The following ZNF653 variants were observed in gnomAD, a reference collection of about 807,000 sequenced individuals.
The protein encoded by ZNF653 is 67 kDa zinc finger protein.
In ZNF653, 37 loss-of-function variants were observed where a neutral mutation model predicts 59.9. The ratio of observed to expected loss-of-function variants is 0.62; its 90% CI spans 0.48 to 0.81. The LOEUF (loss-of-function observed/expected upper bound fraction) is 0.81, where lower values mean the gene tolerates loss of function less well. Ranked by LOEUF, ZNF653 falls within the 40% of genes least tolerant of loss-of-function variation. The pLI, the probability that ZNF653 is intolerant of heterozygous loss-of-function variation, is 0.00. For missense variants in ZNF653, 808 were observed against 881.1 expected (o/e 0.92, Z 1.05); for synonymous variants, 435 against 371.8 (o/e 1.17, Z -1.96).
chr19:11,488,698 C>T (rs1181694727), intron 3 of ZNF653, among the ~76,000 whole-genome samples: 3 of 149,088 alleles, frequency 2.0e-5, no homozygotes, highest in African/African-American at 7.4e-5. Context: ...CCCAGGTTCA[C>T]ACCATTCTCC....
chr19:11,492,713 G>C (rs1298299429), intron 3 of ZNF653, among the ~76,000 whole-genome samples: 1 of 152,172 alleles, frequency 6.6e-6, no homozygotes. Flanking sequence ...AACTCCGTAA[G>C]GTTGCGGGGT....
chr19:11,485,691 G>T lies in ZNF653; in HGVS notation c.1535C>A (p.Ser512Tyr), dbSNP rs767640739. ...GATCATGTGCCGCCGCAGGTGGTTG[G>T]ATAAATAGAACTTCTTGCCACAGCC... The part of the protein sequence containing the change: ...HPGCGKKFYL[S>Y]NHLRRHMIIH... Residue 512 changes from serine (S) to tyrosine (Y), a missense_variant, in exon 7 of 9, where the codon TCC becomes TAC. Physicochemically the swap from Ser to Tyr is moderately radical, Grantham distance 144. Coordinates refer to ENST00000293771, the MANE Select transcript of ZNF653 (RefSeq NM_138783.4). 2 of 1,614,056 alleles carry T rather than the reference G, an allele frequency of 1.2e-6. No homozygotes were observed. The highest frequency in any genetic ancestry group is 1.1e-5 in the South Asian group (1 of 91,080).
At chr19:11,484,262 G>A in intron 7 of ZNF653, 121 bp from the exon 8 acceptor site, 1 of 783,710 alleles carries the variant, frequency 1.3e-6, no homozygotes, top group East Asian at 2.7e-5. Context: ...GACTGCAGGT[G>A]CAGGCCGACC....
At chr19:11,503,177 C>T (rs1260641147) in intron 1 of ZNF653, among the ~76,000 whole-genome samples, 1 of 152,142 alleles carries the variant, frequency 6.6e-6, no homozygotes, top group African/African-American at 2.4e-5. Context: ...CTCTGGATGA[C>T]CTTCCCTGTC....
At chr19:11,497,002 T>C (rs1971595675) in intron 2 of ZNF653, among the ~76,000 whole-genome samples, 1 of 152,196 alleles carries the variant, frequency 6.6e-6, no homozygotes, top group South Asian at 2.1e-4. Context: ...GCGGGCTAGG[T>C]GTGGCCCTGC....
rs554169037 is a variant in ZNF653 at position 11,483,524 on chromosome 19, G to A, written c.*158C>T. The A allele has an allele frequency of 4.1e-5, 58 of 1,405,552 alleles. No individual in the cohort carries two copies. The Admixed American group carries it at 7.5e-4, about 18-fold the overall frequency. 87.1% of individuals were successfully genotyped at this position (1,405,552 alleles called of 1,614,324 possible). ...TCCGAGAAGGATGCGGTGGGGCGGG[G>A]TGGGGAACCTGCCCAGGGGGCCCAG... On this transcript the variant is annotated 3_prime_UTR_variant, in exon 9 of 9. Coordinates refer to ENST00000293771, the MANE Select transcript of ZNF653 (RefSeq NM_138783.4).
At chr19:11,503,085 C>T (rs1274611828) in intron 1 of ZNF653, among the ~76,000 whole-genome samples, 1 of 151,834 alleles carries the variant, frequency 6.6e-6, no homozygotes, top group South Asian at 2.1e-4. Context: ...CAGACCATAC[C>T]ACTTCTTTCT....
At chr19:11,492,727 G>A (rs879802148) in intron 3 of ZNF653, among the ~76,000 whole-genome samples, 2 of 152,124 alleles carry the variant, frequency 1.3e-5, no homozygotes, top group Admixed American at 1.3e-4. Context: ...GCGGGGTCCC[G>A]GTGCAGAGCC....
Position 11,495,737 on chromosome 19 carries a change from G to A in ZNF653, c.559+213C>T, listed in dbSNP as rs1036899777. On this transcript the variant is annotated intron_variant, in intron 3 of 8. Transcript: ENST00000293771. The surrounding 1 kb of genome is among the most constrained non-coding windows in gnomAD (Gnocchi z 4.9). ...AGATTGGCAAACTGCTCCATAAAGA[G>A]GGACTGCCTCCCCACTCAAGCTCTG... The A allele has an allele frequency of 1.7e-6, 1 of 580,454 alleles. No individual in the cohort carries two copies. The highest frequency in any genetic ancestry group is 2.0e-5 in the South Asian group (1 of 49,920). The allele number at this position is 580,454 out of a possible 1,614,324, so 36.0% of individuals were successfully genotyped here.
rs1010728555 is a variant in ZNF653, at chr19:11,505,712, C to G, written c.75G>C (p.Glu25Asp). 4.1e-6 allele frequency: 6 copies of G among 1,481,430 alleles called. No individual in the cohort carries two copies. In the East Asian group the frequency reaches 1.1e-4, roughly 28 times the overall value. 91.8% of individuals were successfully genotyped at this position (1,481,430 alleles called of 1,614,324 possible). Residue 25 changes from glutamate to aspartate, a missense_variant, in exon 1 of 9, where the codon GAG (glutamate) becomes GAC (aspartate). Physicochemically the swap from Glu to Asp is conservative, Grantham distance 45. Coordinates refer to ENST00000293771, the MANE Select transcript of ZNF653 (RefSeq NM_138783.4). ...GCGCCTTTCGGCCCGCTGCGCCCTCCTCGGCTGCTGCCTCCCCGCCCGCGC... is the reference window on the plus strand; with the variant it reads ...GCGCCTTTCGGCCCGCTGCGCCCTCGTCGGCTGCTGCCTCCCCGCCCGCGC... ...EAGAGGEAAAEEGAAGRKARG... is the reference protein window; with the variant it reads ...EAGAGGEAAADEGAAGRKARG...
chr19:11,494,457 G>C (rs1049122381), intron 3 of ZNF653, among the ~76,000 whole-genome samples: 1 of 152,152 alleles, frequency 6.6e-6, no homozygotes, highest in Non-Finnish European at 1.5e-5. Context: ...TTGGAAGGCC[G>C]AGGTGGGTGG....
In ZNF653 at chr19:11,505,516, C is replaced by G; in HGVS notation, c.271G>C (p.Glu91Gln). 6.6e-7 allele frequency: 1 copy of G among 1,510,030 alleles called. No homozygotes were observed. Among genetic ancestry groups the G allele is most frequent in the South Asian group, 1.2e-5 (1 of 80,620 alleles). The allele number at this position is 1,510,030 out of a possible 1,614,324, so 93.5% of individuals were successfully genotyped here. A position where few individuals can be genotyped will look rare whatever the true frequency, so the allele number is the denominator to read the frequency against. Residue 91 changes from glutamate (E) to glutamine (Q), a missense_variant, in exon 1 of 9, where the codon GAG becomes CAG. By Grantham distance (29) the Glu-to-Gln change is conservative. Coordinates refer to ENST00000293771, the MANE Select transcript of ZNF653 (RefSeq NM_138783.4). Reference sequence around the variant, plus strand: ...TGGCGGCCGCTCCGCTGGCCGCGCTCCAGAGAGATGAGGTAGGCGGCGAGC... The same window carrying G: ...TGGCGGCCGCTCCGCTGGCCGCGCTGCAGAGAGATGAGGTAGGCGGCGAGC... ...AKLAAYLISLERGQRSGRHGK... is the reference protein window; with the variant it reads ...AKLAAYLISLQRGQRSGRHGK...
chr19:11,499,110 C>A (rs188436890), intron 1 of ZNF653, among the ~76,000 whole-genome samples: 1 of 152,312 alleles, frequency 6.6e-6, no homozygotes, highest in Admixed American at 6.5e-5. Context: ...CAATTGCCAT[C>A]AGCCCTGGGA....
intron 3 of ZNF653, among the ~76,000 whole-genome samples, chr19:11,494,796 C>T (rs1431421226): frequency 1.3e-5 from 2 of 152,212 alleles, no homozygotes; most frequent in Non-Finnish European, 2.9e-5. Flanking sequence ...CCAAATGGGC[C>T]AGTCAGATCA....
Position 11,484,080 on chromosome 19 carries a change from C to T in ZNF653, c.1632G>A (p.Glu544=), listed in dbSNP as rs1466815260. ...CGCCGGTGTGGGTGCGCCGATGTAC[C>T]TCCAGGTGGTTCTTCCTCTTGAAGG... ...GKSFKRKNHL[E]VHRRTHTGET... Residue 544 remains glutamate, a synonymous_variant, in exon 8 of 9, where the codon GAG becomes GAA. Transcript: ENST00000293771. The T allele has an allele frequency of 3.2e-6, 5 of 1,560,226 alleles. No individual in the cohort carries two copies. The highest frequency in any genetic ancestry group is 4.3e-6 in the Non-Finnish European group (5 of 1,152,032).
rs539659767 is a variant in ZNF653 at position 11,501,239 on chromosome 19, C to T, written c.300-2900G>A. ...TGTTGCCCCAGCTGGAGTGCAGTGG[C>T]GCCATCACAGCTCACTGAAGCTTCG... On this transcript the variant is annotated intron_variant, in intron 1 of 8. Coordinates refer to ENST00000293771, the MANE Select transcript of ZNF653 (RefSeq NM_138783.4). Among the ~76,000 whole-genome samples the T allele has an allele frequency of 1.1e-3, 166 of 150,734 alleles. 2 individuals are homozygous for T. The highest frequency in any genetic ancestry group is 3.7e-3 in the African/African-American group (151 of 40,978).
At chr19:11,490,110 G>A (rs1411886029) in intron 3 of ZNF653, among the ~76,000 whole-genome samples, 2 of 152,172 alleles carry the variant, frequency 1.3e-5, no homozygotes, top group East Asian at 1.9e-4. Flanking sequence ...TCTGACCAAT[G>A]GGCTCTAAAT....
intron 1 of ZNF653, 74 bp downstream of exon 1, chr19:11,505,414 G>A: frequency 7.5e-7 from 1 of 1,338,590 alleles, no homozygotes; most frequent in Non-Finnish European, 9.6e-7. Context: ...CCTAGAAGCG[G>A]AGGGGGCGGG....
At position 11,487,981 on chromosome 19, in the gene ZNF653, T is replaced by C; in HGVS notation, c.560-78A>G. The C allele has an allele frequency of 8.8e-7, 1 of 1,133,252 alleles. No homozygotes were observed. Among genetic ancestry groups the C allele is most frequent in the Non-Finnish European group, 1.1e-6 (1 of 901,594 alleles). 70.2% of individuals were successfully genotyped at this position (1,133,252 alleles called of 1,614,324 possible). A position where few individuals can be genotyped will look rare whatever the true frequency, so the allele number is the denominator to read the frequency against. On this transcript the variant is annotated intron_variant, in intron 3 of 8. Coordinates refer to ENST00000293771, the MANE Select transcript of ZNF653 (RefSeq NM_138783.4). The surrounding 1 kb of genome is among the most constrained non-coding windows in gnomAD (Gnocchi z 5.1). ...TGTTTATTTAGTTTTTATTTTATTT[T>C]ATTTATTTATTTATTTATTTTTTTG...
Sources: allele counts gnomAD v4.1 joint callset (sites outside exome capture counted in the v4.1 genomes callset), GRCh38; gene constraint gnomAD v4.1.1; non-coding constraint Gnocchi (gnomAD v3.1); transcripts MANE v1.5; gene names NCBI Gene and HGNC (gene_info 2026-07-23, HGNC 2026-07-21).